IQCB1: variants seen among roughly 807,000 people sequenced by gnomAD.
IQCB1 encodes the protein IQ motif containing B1.
Under a neutral mutation model 84.4 loss-of-function variants are expected in IQCB1, and 56 were observed. The observed-to-expected ratio is 0.66, with a 90% CI of 0.54 to 0.83. The LOEUF is 0.83. Ranked by LOEUF, IQCB1 falls within the 40% of genes least tolerant of loss-of-function variation. The pLI is 0.00. For missense variants in IQCB1, 629 were observed against 682.1 expected (o/e 0.92, Z 0.87); for synonymous variants, 210 against 234.8 (o/e 0.89, Z 0.96).
Position 121,772,636 on chromosome 3 carries a change from G to A in IQCB1, c.1488C>T (p.Gly496=), listed in dbSNP as rs757645960. The A allele has an allele frequency of 1.9e-6, 3 of 1,614,066 alleles. No individual in the cohort carries two copies. Among genetic ancestry groups the A allele is most frequent in the African/African-American group, 2.7e-5 (2 of 74,936 alleles). ...GCTGGGCTCGCTCTTCTAGGGCCCT[G>A]CCCATAAAGTAGTGTTGCAGTCGTT... is the stretch of plus-strand genomic sequence containing the variant. ...AQERLQHYFM[G]RALEERAQQH... is the part of the protein sequence containing the mutation. The change falls in exon 14 of 15, where the codon GGC becomes GGT. Residue 496 remains glycine, a synonymous_variant. Coordinates refer to ENST00000310864, the MANE Select transcript of IQCB1 (RefSeq NM_001023570.4).
chr3:121,779,009 T>C (rs964858181), intron 13 of IQCB1, among the ~76,000 whole-genome samples: 4 of 152,078 alleles, frequency 2.6e-5, no homozygotes, highest in African/African-American at 9.7e-5. Context: ...ACATGGCACA[T>C]GTATACATAT....
chr3:121,815,699 AG>A (rs1281620601), intron 5 of IQCB1, among the ~76,000 whole-genome samples: 1 of 152,204 alleles, frequency 6.6e-6, no homozygotes, highest in African/African-American at 2.4e-5. Context: ...ACAACTTACA[AG>A]GGACATGAAG....
At chr3:121,804,366 G>A (rs906185977) in intron 7 of IQCB1, among the ~76,000 whole-genome samples, 6 of 152,002 alleles carry the variant, frequency 3.9e-5, no homozygotes, top group African/African-American at 9.7e-5. Flanking sequence ...CACCATTTCC[G>A]ATACTCTATT....
rs757443718 is a variant in IQCB1, at chr3:121,828,923, A to C, written c.38T>G (p.Ile13Arg). Reference sequence around the variant, plus strand: ...AGGGCTTTTTGCAACTTCAGCAGCTATAGATAAGATCCTTGGGTCTGTACC... The same window carrying C: ...AGGGCTTTTTGCAACTTCAGCAGCTCTAGATAAGATCCTTGGGTCTGTACC... Reference protein sequence around the residue: ...PTGTDPRILSIAAEVAKSPEQ... With the variant: ...PTGTDPRILSRAAEVAKSPEQ... Residue 13 changes from isoleucine to arginine, a missense_variant, in exon 3 of 15, where the codon ATA becomes AGA. Coordinates refer to ENST00000310864, the MANE Select transcript of IQCB1 (RefSeq NM_001023570.4). 3 of 1,611,606 alleles carry C rather than the reference A, an allele frequency of 1.9e-6. No individual in the cohort carries two copies. The highest frequency in any genetic ancestry group is 2.5e-6 in the Non-Finnish European group (3 of 1,178,496).
Position 121,807,393 on chromosome 3 carries a change from T to C in IQCB1, c.538A>G (p.Ile180Val). 1 of 1,585,692 alleles carries C rather than the reference T, an allele frequency of 6.3e-7. No homozygotes were observed. Among genetic ancestry groups the C allele is most frequent in the South Asian group, 1.1e-5 (1 of 90,394 alleles). Residue 180 changes from isoleucine to valine, a missense_variant, in exon 7 of 15, where the codon ATA becomes GTA. Transcript: ENST00000310864. The part of the protein sequence containing the change: ...LHLLQADNVQ[I>V]GSAVMMMLQN... ...AGCATCATCATGACTGCAGATCCTA[T>C]TTGGACATTGTCAGCTTGCAGTAAA...
At chr3:121,823,635 G>T (rs1950351192) in intron 5 of IQCB1, among the ~76,000 whole-genome samples, 1 of 152,068 alleles carries the variant, frequency 6.6e-6, no homozygotes, top group East Asian at 1.9e-4. Context: ...AAAAGTGAAG[G>T]CATCATGAAG....
Position 121,795,498 on chromosome 3 carries a change from C to T in IQCB1, c.945G>A (p.Lys315=). The T allele has an allele frequency of 6.2e-7, 1 of 1,609,474 alleles. No homozygotes were observed. Among genetic ancestry groups the T allele is most frequent in the Non-Finnish European group, 8.5e-7 (1 of 1,177,016 alleles). The change falls in exon 10 of 15, where the codon AAG becomes AAA. Residue 315 remains lysine (K), a synonymous_variant. Transcript: ENST00000310864. ...AAGCAATCACAGCAGATGGAAGCTT[C>T]TTTAATCTCTTTCTTGTCTGAAAAC... The part of the protein sequence containing the change: ...WKGFQTRKRL[K]KLPSAVIALQ...
At chr3:121,774,791 G>C (rs945009227) in intron 13 of IQCB1, among the ~76,000 whole-genome samples, 1 of 152,146 alleles carries the variant, frequency 6.6e-6, no homozygotes, top group African/African-American at 2.4e-5. Flanking sequence ...CATTCTGCAA[G>C]ATGAAAAAAG....
intron 7 of IQCB1, among the ~76,000 whole-genome samples, chr3:121,804,213 T>C (rs1949522179): frequency 6.6e-6 from 1 of 152,078 alleles, no homozygotes; most frequent in South Asian, 2.1e-4. Flanking sequence ...CTTCCATTTA[T>C]CTCCTCCCAG....
chr3:121,798,741 G>T (rs982295168), intron 8 of IQCB1, among the ~76,000 whole-genome samples: 3 of 151,772 alleles, frequency 2.0e-5, no homozygotes, highest in Non-Finnish European at 4.4e-5. Flanking sequence ...ATATGTATTT[G>T]ATTTTGGAGG....
At chr3:121,797,718 T>TG (rs1467700764) in intron 8 of IQCB1, among the ~76,000 whole-genome samples, 1 of 151,990 alleles carries the variant, frequency 6.6e-6, no homozygotes, top group African/African-American at 2.4e-5. Context: ...ATATATAATT[T>TG]GGGGCAAATC....
intron 5 of IQCB1, among the ~76,000 whole-genome samples, chr3:121,811,187 G>T (rs1397545349): frequency 2.6e-5 from 4 of 152,086 alleles, no homozygotes; most frequent in African/African-American, 9.7e-5. Flanking sequence ...CAAGGGGCTG[G>T]GGACCTCCCT....
chr3:121,817,434 AAG>A (rs1491322708), intron 5 of IQCB1, among the ~76,000 whole-genome samples: 1 of 151,648 alleles, frequency 6.6e-6, no homozygotes, highest in African/African-American at 2.4e-5. Flanking sequence ...ATAAAAAAAA[AAG>A]AAAAGAAAAG....
At chr3:121,832,749 G>GT (rs1413687030) in intron 2 of IQCB1, among the ~76,000 whole-genome samples, 1 of 152,044 alleles carries the variant, frequency 6.6e-6, no homozygotes, top group Non-Finnish European at 1.5e-5. Context: ...AAATCTTCAT[G>GT]TTTTTTTGGT....
At chr3:121,816,316 C>T (rs1263757135) in intron 5 of IQCB1, among the ~76,000 whole-genome samples, 1 of 152,014 alleles carries the variant, frequency 6.6e-6, no homozygotes, top group Admixed American at 6.6e-5. Flanking sequence ...CCATACAAAC[C>T]CTAGAAGAAA....
At chr3:121,811,877 G>A (rs1053877331) in intron 5 of IQCB1, among the ~76,000 whole-genome samples, 6 of 152,204 alleles carry the variant, frequency 3.9e-5, no homozygotes, top group Non-Finnish European at 5.9e-5. Context: ...GCCTGCCAGC[G>A]CTGAAGAGAG....
chr3:121,786,179 A>AGAAAGAAAAGAAACGAAACGAAAC (rs1948718543), intron 12 of IQCB1, among the ~76,000 whole-genome samples: 1 of 127,448 alleles, frequency 7.8e-6, no homozygotes, highest in Admixed American at 8.1e-5. Context: ...TCAAAAGAAA[A>AGAAAGAAAAGAAACGAAACGAAAC]GAAAAGAAAA....
At chr3:121,816,151 C>G (rs984462064) in intron 5 of IQCB1, among the ~76,000 whole-genome samples, 2 of 151,912 alleles carry the variant, frequency 1.3e-5, no homozygotes, top group Non-Finnish European at 2.9e-5. Context: ...ACAAACCTGA[C>G]AAAAACAAGA....
At chr3:121,792,606 G>T (rs1159763307) in intron 10 of IQCB1, among the ~76,000 whole-genome samples, 1 of 136,518 alleles carries the variant, frequency 7.3e-6, no homozygotes, top group Non-Finnish European at 1.5e-5. Flanking sequence ...AGCTTGCAGT[G>T]AGCCGAGATT....
Sources: gnomAD v4.1 joint callset for allele counts (sites outside exome capture counted in the v4.1 genomes callset) on GRCh38, gnomAD v4.1.1 for gene constraint, MANE v1.5 for transcripts, NCBI Gene and HGNC (gene_info 2026-07-23, HGNC 2026-07-21) for gene names.